Variants in INTS1 observed in about 807,000 individuals in gnomAD.
INTS1 encodes the protein integrator complex subunit 1.
A neutral mutation model predicts 241.6 loss-of-function variants in INTS1; 137 were observed. The ratio of observed to expected loss-of-function variants is 0.57; its 90% CI spans 0.49 to 0.65. INTS1 has a LOEUF of 0.65. Ranked by LOEUF, INTS1 falls within the 30% of genes least tolerant of loss-of-function variation. INTS1 has a pLI of 0.00. For synonymous variants in INTS1, 1,692 were observed against 1,337.8 expected, an observed-to-expected ratio of 1.26 and a Z score of -5.78; for missense variants, 3,073 against 3,032.2, an observed-to-expected ratio of 1.01 and a Z score of -0.32.
chr7:1,499,846 G>T, intron 5 of INTS1, 38 bp downstream of exon 5: 2 of 1,595,530 alleles, frequency 1.3e-6, no homozygotes, highest in Non-Finnish European at 1.7e-6. Flanking sequence ...ACCCCGTGGC[G>T]CTCTGCCATC....
At chr7:1,477,334 G>A (rs1422025236) in intron 35 of INTS1, among the ~76,000 whole-genome samples, 3 of 151,906 alleles carry the variant, frequency 2.0e-5, no homozygotes, top group Non-Finnish European at 4.4e-5. Context: ...TGGTCACAGT[G>A]CTGGTCCACA....
In INTS1 at chr7:1,497,077, G is replaced by C; in HGVS notation, c.1602+61C>G. ...AGTGTGCATGGGACCCAGGACGAGG[G>C]GGATGGCGGCGCGTGGAACCCGCAG... On this transcript the variant is annotated intron_variant, in intron 11 of 47. Coordinates refer to ENST00000404767, the MANE Select transcript of INTS1 (RefSeq NM_001080453.3). The surrounding 1 kb of genome is among the most constrained non-coding windows in gnomAD (Gnocchi z 5.3). The C allele has an allele frequency of 6.7e-7, 1 of 1,487,816 alleles. No individual in the cohort carries two copies. The highest frequency in any genetic ancestry group is 1.4e-5 in the African/African-American group (1 of 72,252). 92.2% of individuals were successfully genotyped at this position (1,487,816 alleles called of 1,614,324 possible). A position where few individuals can be genotyped will look rare whatever the true frequency, so the allele number is the denominator to read the frequency against.
Position 1,474,342 on chromosome 7 carries a change from C to CGCG in INTS1, c.5652_5654dup (p.Ala1886dup), listed in dbSNP as rs1562485561. On this transcript the variant is annotated inframe_insertion, in exon 41 of 48. Transcript: ENST00000404767. The stretch of plus-strand genomic sequence containing the variant: ...GGTGGGTGCGGCCGTGCAGGAGCGC[C>CGCG]GCGATCATGGGCAGGTGCCTGCGGG... 6.2e-7 allele frequency: 1 copy of CGCG among 1,601,272 alleles called. No homozygotes were observed. The highest frequency in any genetic ancestry group is 1.3e-5 in the African/African-American group (1 of 74,548).
At chr7:1,488,878 A>T (rs1201568656) in intron 18 of INTS1, among the ~76,000 whole-genome samples, 1 of 152,130 alleles carries the variant, frequency 6.6e-6, no homozygotes, top group Non-Finnish European at 1.5e-5. Flanking sequence ...ACCTGCACTG[A>T]ACTGTCCTTG....
At position 1,493,925 on chromosome 7, in the gene INTS1, GA is replaced by G. The variant is rs1425338160; in HGVS notation, c.1911-15del. The stretch of plus-strand genomic sequence containing the variant: ...CGCAGGAAGAAGCTGCGGGGTGGGG[GA>G]GGCATGACTCGGTGTGGGCTGCCCA... On this transcript the variant is annotated splice_polypyrimidine_tract_variant and intron_variant, in intron 14 of 47. Transcript: ENST00000404767. The surrounding 1 kb of genome is among the most constrained non-coding windows in gnomAD (Gnocchi z 5.3). 2.4e-5 allele frequency: 38 copies of G among 1,552,238 alleles called. No individual in the cohort carries two copies. Among genetic ancestry groups the G allele is most frequent in the Non-Finnish European group, 3.3e-5 (38 of 1,147,558 alleles).
chr7:1,489,245 G>A (rs1442667610), intron 18 of INTS1, 99 bp downstream of exon 18: 2 of 270,498 alleles, frequency 7.4e-6, no homozygotes, highest in African/African-American at 1.4e-4. Context: ...AGATGCTGAT[G>A]CAGCACGACC....
chr7:1,496,340 C>T (rs1013205511), intron 11 of INTS1, 76 bp from the exon 12 acceptor site: 49 of 591,874 alleles, frequency 8.3e-5, no homozygotes, highest in African/African-American at 8.2e-4. Flanking sequence ...GGGCGCGGCA[C>T]GGGGTCTGTA....
Position 1,496,034 on chromosome 7 carries a change from C to A in INTS1, c.1711+122G>T, listed in dbSNP as rs541867744. 3 of 701,098 alleles carry A rather than the reference C, an allele frequency of 4.3e-6. No homozygotes were observed. In the Middle Eastern group the frequency reaches 8.5e-4, roughly 199 times the overall value. The allele number at this position is 701,098 out of a possible 1,614,324, so 43.4% of individuals were successfully genotyped here. On this transcript the variant is annotated intron_variant, in intron 12 of 47. Transcript: ENST00000404767. ...TTCCAGGCTCCGTGTCCCCGAGTAG[C>A]CGTGCTGCGGGACCGCTCCTGCCGG... is the stretch of plus-strand genomic sequence containing the variant.
In INTS1 at chr7:1,484,045, C is replaced by T. The variant is rs779629074; in HGVS notation, c.3387G>A (p.Arg1129=). The change falls in exon 25 of 48, where the codon AGG becomes AGA. Residue 1129 remains arginine (R), a synonymous_variant. Coordinates refer to ENST00000404767, the MANE Select transcript of INTS1 (RefSeq NM_001080453.3). ...CGCCCTCCTTGCTCTGCCGCATGCGCCTCACGTAGCGTGAGAAGATGGACA... is the reference window on the plus strand; with the variant it reads ...CGCCCTCCTTGCTCTGCCGCATGCGTCTCACGTAGCGTGAGAAGATGGACA... ...ALLSIFSRYV[R]RMRQSKEGEE... is the part of the protein sequence containing the mutation. The T allele has an allele frequency of 1.9e-6, 3 of 1,612,032 alleles. No homozygotes were observed. The highest frequency in any genetic ancestry group is 2.5e-6 in the Non-Finnish European group (3 of 1,179,540).
At chr7:1,500,973 T>A (rs927546872) in intron 3 of INTS1, 1 of 152,310 alleles carries the variant, frequency 6.6e-6, no homozygotes, top group Non-Finnish European at 1.5e-5. Context: ...CAACAGTTTT[T>A]TAGGACTGTG....
chr7:1,475,532 G>C (rs1329270829), intron 39 of INTS1, among the ~76,000 whole-genome samples: 1 of 152,144 alleles, frequency 6.6e-6, no homozygotes, highest in Non-Finnish European at 1.5e-5. Context: ...GCCTGCGGTG[G>C]GGAAGCGGGT....
chr7:1,489,796 C>A (rs114834568), intron 16 of INTS1, 114 bp from the exon 17 acceptor site: 11 of 693,166 alleles, frequency 1.6e-5, no homozygotes, highest in Non-Finnish European at 2.4e-5. Context: ...CAGCTCCTCC[C>A]GGGACTGCCC....
Position 1,493,206 on chromosome 7 carries a change from T to TGGGGGTGGGGG in INTS1, c.2069-101_2069-100insCCCCCACCCCC. ...CTGCTCGGGCCGCGTCGGGGTGGGG[T>TGGGGGTGGGGG]GGGGGATGCCGCAGGGTGGGGCGCA... On this transcript the variant is annotated intron_variant, in intron 15 of 47. Transcript: ENST00000404767. The surrounding 1 kb of genome is among the most constrained non-coding windows in gnomAD (Gnocchi z 5.3). 2.2e-6 allele frequency: 1 copy of TGGGGGTGGGGG among 460,738 alleles called. No individual in the cohort carries two copies. Among genetic ancestry groups the TGGGGGTGGGGG allele is most frequent in the East Asian group, 6.9e-5 (1 of 14,410 alleles). 28.5% of individuals were successfully genotyped at this position (460,738 alleles called of 1,614,324 possible).
chr7:1,479,561 C>T lies in INTS1; in HGVS notation c.4198G>A (p.Gly1400Ser). ...GCCTGCAGGACACGCACCGTGATGC[C>T]CGGCACCTCGGGGCTGCCCTGGACG... ...RVVQGSPEVP[G>S]ITVRVLQALA... Residue 1400 changes from glycine to serine, a missense_variant, in exon 31 of 48, where the codon GGC becomes AGC. By Grantham distance (56) the Gly-to-Ser change is moderately conservative. Coordinates refer to ENST00000404767, the MANE Select transcript of INTS1 (RefSeq NM_001080453.3). 6.4e-7 allele frequency: 1 copy of T among 1,551,506 alleles called. No homozygotes were observed. Among genetic ancestry groups the T allele is most frequent in the South Asian group, 1.2e-5 (1 of 84,218 alleles).
intron 26 of INTS1, chr7:1,483,399 C>T (rs1290383875): frequency 3.5e-5 from 14 of 399,276 alleles, no homozygotes; most frequent in Middle Eastern, 7.8e-4. Flanking sequence ...CACCTCCACA[C>T]GGTGAAATCC....
In INTS1 at chr7:1,486,781, G is replaced by A. The variant is rs746883736; in HGVS notation, c.2827-7C>T. 2 of 1,611,762 alleles carry A rather than the reference G, an allele frequency of 1.2e-6. No individual in the cohort carries two copies. The highest frequency in any genetic ancestry group is 4.5e-5 in the East Asian group (2 of 44,868). ...GCCGCTGCTTCTGTTGCCTCTGCAGGGAGGAAGGGGCTCTCAGGGGTGCAG... is the reference window on the plus strand; with the variant it reads ...GCCGCTGCTTCTGTTGCCTCTGCAGAGAGGAAGGGGCTCTCAGGGGTGCAG... On this transcript the variant is annotated splice_region_variant and splice_polypyrimidine_tract_variant and intron_variant, in intron 21 of 47. Transcript: ENST00000404767.
rs183025869 is a variant in INTS1, at chr7:1,486,639, C to T, written c.2962G>A (p.Val988Met). Residue 988 changes from valine (V) to methionine (M), a missense_variant, in exon 22 of 48, where the codon GTG (valine) becomes ATG (methionine). By Grantham distance (21) the Val-to-Met change is conservative. Transcript: ENST00000404767. ...RLGSSQVASRVLAMKGLSLVL... is the reference protein window; with the variant it reads ...RLGSSQVASRMLAMKGLSLVL... ...CACCACCTCACCTTCATGGCCAGCA[C>T]GCGGGAGGCCACCTGGGAGGAGCCG... 362 of 1,611,678 alleles carry T rather than the reference C, an allele frequency of 2.2e-4. 4 individuals are homozygous for T. The East Asian group carries it at 7.2e-3, about 32-fold the overall frequency.
intron 16 of INTS1, among the ~76,000 whole-genome samples, chr7:1,490,111 C>G (rs1295889780): frequency 6.6e-6 from 1 of 151,896 alleles, no homozygotes; most frequent in South Asian, 2.1e-4. Flanking sequence ...GAGGCACTGC[C>G]TGGAGCCACA....
rs766529823 is a variant in INTS1, at chr7:1,475,941, C to A, written c.5502+7G>T. 18 of 1,536,610 alleles carry A rather than the reference C, an allele frequency of 1.2e-5. No homozygotes were observed. In the African/African-American group the frequency reaches 1.9e-4, roughly 16 times the overall value. On this transcript the variant is annotated splice_region_variant and intron_variant, in intron 39 of 47. Coordinates refer to ENST00000404767, the MANE Select transcript of INTS1 (RefSeq NM_001080453.3). ...GGCGGCGGGGAGCGGCAGAGTTGCG[C>A]CCTCACCTTGCAGACGCTGCTGCTG...
Sources: gnomAD v4.1 joint callset for allele counts (sites outside exome capture counted in the v4.1 genomes callset) on GRCh38, gnomAD v4.1.1 for gene constraint, Gnocchi (gnomAD v3.1) non-coding constraint, MANE v1.5 for transcripts, NCBI Gene and HGNC (gene_info 2026-07-23, HGNC 2026-07-21) for gene names.